Variants in DRD3 observed in about 807,000 individuals in gnomAD.
The protein encoded by DRD3 is D(3) dopamine receptor.
A neutral mutation model predicts 36.3 loss-of-function variants in DRD3; 19 were observed. The ratio of observed to expected loss-of-function variants is 0.52; its 90% CI spans 0.36 to 0.77. The LOEUF (loss-of-function observed/expected upper bound fraction) is 0.77, where lower values mean the gene tolerates loss of function less well. Among genes scored for constraint, DRD3 ranks in the 30% least tolerant of loss-of-function variants. The pLI is 0.00. For missense variants in DRD3, 465 were observed against 505.3 expected (o/e 0.92, Z 0.77); for synonymous variants, 195 against 203.7 (o/e 0.96, Z 0.36).
At chr3:114,134,110 G>C (rs889693848) in intron 5 of DRD3, among the ~76,000 whole-genome samples, 1 of 152,124 alleles carries the variant, frequency 6.6e-6, no homozygotes, top group Non-Finnish European at 1.5e-5. Context: ...TGTTTTCTAC[G>C]TAAGTTATTC....
At chr3:114,144,514 C>G (rs2077554098) in intron 4 of DRD3, among the ~76,000 whole-genome samples, 1 of 152,164 alleles carries the variant, frequency 6.6e-6, no homozygotes. Flanking sequence ...TGAAGCTGTA[C>G]AGTGAAGGTC....
intron 5 of DRD3, 144 bp from the exon 6 acceptor site, chr3:114,131,544 G>A: frequency 8.6e-7 from 1 of 1,164,968 alleles, no homozygotes; most frequent in East Asian, 2.5e-5. Context: ...TGAGGGAGTG[G>A]TGGGACCATG....
At chr3:114,188,720 A>T (rs2077988876) in intron 1 of DRD3, among the ~76,000 whole-genome samples, 1 of 152,202 alleles carries the variant, frequency 6.6e-6, no homozygotes, top group Non-Finnish European at 1.5e-5. Context: ...TTTACATCAC[A>T]TGTCCATACT....
intron 4 of DRD3, among the ~76,000 whole-genome samples, chr3:114,143,082 C>T (rs1253599158): frequency 6.6e-6 from 1 of 152,198 alleles, no homozygotes; most frequent in Non-Finnish European, 1.5e-5. Flanking sequence ...GCTGTAATGC[C>T]CCCCAGAAGC....
At chr3:114,136,839 T>A (rs147930658) in intron 5 of DRD3, among the ~76,000 whole-genome samples, 153 of 152,362 alleles carry the variant, frequency 1.0e-3, no homozygotes, top group African/African-American at 3.4e-3. Context: ...ACAAGGCTAA[T>A]GGTGACCATG....
At chr3:114,141,965 C>T (rs930992419) in intron 4 of DRD3, among the ~76,000 whole-genome samples, 1 of 148,436 alleles carries the variant, frequency 6.7e-6, no homozygotes, top group Non-Finnish European at 1.5e-5. Flanking sequence ...AGGAGAACCG[C>T]TTGAACCCAG....
intron 4 of DRD3, among the ~76,000 whole-genome samples, chr3:114,140,614 G>A (rs939912789): frequency 6.6e-6 from 1 of 152,232 alleles, no homozygotes; most frequent in African/African-American, 2.4e-5. Flanking sequence ...CTTTTCGGAT[G>A]AGCAGATTAA....
At chr3:114,156,767 C>CTTTCTTACTTTCTTTCTT (rs2077677076) in intron 3 of DRD3, among the ~76,000 whole-genome samples, 2 of 98,888 alleles carry the variant, frequency 2.0e-5, no homozygotes, top group African/African-American at 7.3e-5. Context: ...TTCTTTCTTT[C>CTTTCTTACTTTCTTTCTT]TTTCTTTCTT....
chr3:114,174,569 TCA>T (rs2077879668), intron 1 of DRD3, among the ~76,000 whole-genome samples: 1 of 152,202 alleles, frequency 6.6e-6, no homozygotes, highest in Non-Finnish European at 1.5e-5. Flanking sequence ...ATTTCTGATT[TCA>T]TATTTATTTT....
chr3:114,170,472 C>T (rs1306509619), intron 2 of DRD3, among the ~76,000 whole-genome samples: 2 of 152,102 alleles, frequency 1.3e-5, no homozygotes, highest in African/African-American at 2.4e-5. Flanking sequence ...AGACCCTTCA[C>T]CCTCCCAACT....
chr3:114,131,706 T>G (rs1342418842), intron 5 of DRD3, among the ~76,000 whole-genome samples: 1 of 152,086 alleles, frequency 6.6e-6, no homozygotes, highest in African/African-American at 2.4e-5. Context: ...TACAAGAAAC[T>G]TAAACAAATT....
chr3:114,139,761 A>G, intron 4 of DRD3, 65 bp from the exon 5 acceptor site: 1 of 1,499,266 alleles, frequency 6.7e-7, no homozygotes, highest in Non-Finnish European at 9.2e-7. Flanking sequence ...GGAGCATAAA[A>G]CACGGCTCCA....
chr3:114,184,234 A>G (rs36212514), intron 1 of DRD3, among the ~76,000 whole-genome samples: 5,621 of 152,292 alleles, frequency 0.037, 133 homozygotes, highest in Admixed American at 0.066. Flanking sequence ...AACATAAAAT[A>G]TCTGGTCCTC....
rs918801611 is a variant in DRD3, at chr3:114,139,847, G to A, written c.527-151C>T. ...CAGTCTCAGATACGTATACTGTCAG[G>A]TCCTTGAGGGTAGAAGGTCTAATTC... On this transcript the variant is annotated intron_variant, in intron 4 of 6. Coordinates refer to ENST00000383673, the MANE Select transcript of DRD3 (RefSeq NM_000796.6). 2.1e-4 allele frequency: 138 copies of A among 642,544 alleles called. No individual in the cohort carries two copies. In the East Asian group the frequency reaches 3.8e-3, roughly 18 times the overall value. The allele number at this position is 642,544 out of a possible 1,614,324, so 39.8% of individuals were successfully genotyped here.
chr3:114,141,892 A>T (rs956362723), intron 4 of DRD3, among the ~76,000 whole-genome samples: 1 of 152,036 alleles, frequency 6.6e-6, no homozygotes, highest in East Asian at 1.9e-4. Context: ...TCTACTAAAA[A>T]TACAAAAGTT....
chr3:114,152,711 C>A (rs2077629187), intron 3 of DRD3, among the ~76,000 whole-genome samples: 2 of 152,212 alleles, frequency 1.3e-5, no homozygotes, highest in Admixed American at 6.5e-5. Context: ...AGAGGGAAAG[C>A]CCGGCGCCCT....
At chr3:114,197,194 T>G (rs2078041662) in intron 1 of DRD3, among the ~76,000 whole-genome samples, 1 of 151,140 alleles carries the variant, frequency 6.6e-6, no homozygotes, top group Admixed American at 6.6e-5. Context: ...TCACTGTAAC[T>G]TCAAACTCCT....
intron 1 of DRD3, among the ~76,000 whole-genome samples, chr3:114,194,334 G>A (rs777323810): frequency 1.3e-5 from 2 of 152,120 alleles, no homozygotes; most frequent in East Asian, 1.9e-4. Flanking sequence ...CCAGGCTGGA[G>A]TGCAGTGGCA....
At position 114,178,830 on chromosome 3, in the gene DRD3, T is replaced by C. The variant is rs1206089610; in HGVS notation, c.-209A>G. On this transcript the variant is annotated 5_prime_UTR_variant, in exon 1 of 7. Transcript: ENST00000383673. ...ATTTTTGCCTCTAAGGTGAAATTACTTGAGTGCTGCTTTTCCAGCTTCCCT... is the reference window on the plus strand; with the variant it reads ...ATTTTTGCCTCTAAGGTGAAATTACCTGAGTGCTGCTTTTCCAGCTTCCCT... 6.6e-6 allele frequency: 1 copy of C among 152,172 alleles called. No individual in the cohort carries two copies. The highest frequency in any genetic ancestry group is 1.5e-5 in the Non-Finnish European group (1 of 68,030). The allele number at this position is 152,172 out of a possible 1,614,324, so 9.4% of individuals were successfully genotyped here.
Sources: gnomAD v4.1 joint callset for allele counts (sites outside exome capture counted in the v4.1 genomes callset) on GRCh38, gnomAD v4.1.1 for gene constraint, MANE v1.5 for transcripts, NCBI Gene and HGNC (gene_info 2026-07-23, HGNC 2026-07-21) for gene names.